PDE4D: variants seen among roughly 807,000 people sequenced by gnomAD.
PDE4D encodes the protein 3',5'-cyclic-AMP phosphodiesterase 4D.
In PDE4D, 24 loss-of-function variants were observed where a neutral mutation model predicts 87.4. That is an observed-to-expected ratio of 0.27 (90% CI 0.20 to 0.39). PDE4D has a LOEUF of 0.39. Ranked by LOEUF, PDE4D falls within the 10% of genes least tolerant of loss-of-function variation. PDE4D has a pLI of 1.00. For missense variants in PDE4D, 714 were observed against 1,041.0 expected, an observed-to-expected ratio of 0.69 and a Z score of 4.32; for synonymous variants, 384 against 383.2, an observed-to-expected ratio of 1.00 and a Z score of -0.02.
intron 5 of PDE4D, among the ~76,000 whole-genome samples, chr5:59,114,127 A>G (rs1274299853): frequency 8.5e-5 from 13 of 152,214 alleles, no homozygotes. Flanking sequence ...CTAGAACATG[A>G]GCAACTACAA....
chr5:59,084,970 A>C (rs1767402485), intron 5 of PDE4D, among the ~76,000 whole-genome samples: 1 of 152,180 alleles, frequency 6.6e-6, no homozygotes, highest in African/African-American at 2.4e-5. Context: ...TGAAGTATAT[A>C]TAAACTTTCT....
chr5:58,977,422 T>C, intron 11 of PDE4D, 77 bp from the exon 12 acceptor site: 1 of 1,387,004 alleles, frequency 7.2e-7, no homozygotes, highest in South Asian at 1.2e-5. Flanking sequence ...ATTCTGGATT[T>C]AGGATGTAAT....
chr5:59,824,564 T>A (rs905574143), intron 1 of PDE4D, among the ~76,000 whole-genome samples: 1 of 152,226 alleles, frequency 6.6e-6, no homozygotes, highest in African/African-American at 2.4e-5. Context: ...AAGTAAAGAT[T>A]GAGTATCTAT....
chr5:59,607,662 G>A (rs193140727), intron 1 of PDE4D, among the ~76,000 whole-genome samples: 1 of 152,142 alleles, frequency 6.6e-6, no homozygotes, highest in East Asian at 1.9e-4. Flanking sequence ...GCAGCAGGGG[G>A]TAGGTGGGAG....
chr5:60,107,043 C>A (rs1165821326), intron 2 of PDE4D, among the ~76,000 whole-genome samples: 1 of 152,128 alleles, frequency 6.6e-6, no homozygotes, highest in Non-Finnish European at 1.5e-5. Flanking sequence ...ACACAAAAAA[C>A]CCTTCAAAAA....
At chr5:60,244,964 A>G (rs1355371494) in intron 1 of PDE4D, among the ~76,000 whole-genome samples, 1 of 152,032 alleles carries the variant, frequency 6.6e-6, no homozygotes, top group Non-Finnish European at 1.5e-5. Context: ...CAAGTTAAAA[A>G]GCTTCTGCAC....
At chr5:59,890,741 T>C (rs1750838070) in intron 1 of PDE4D, among the ~76,000 whole-genome samples, 1 of 152,244 alleles carries the variant, frequency 6.6e-6, no homozygotes, top group African/African-American at 2.4e-5. Context: ...TATGTGATAC[T>C]GAACAAATTG....
intron 2 of PDE4D, among the ~76,000 whole-genome samples, chr5:60,087,879 C>A (rs1052745421): frequency 6.6e-6 from 1 of 152,038 alleles, no homozygotes; most frequent in Non-Finnish European, 1.5e-5. Flanking sequence ...AGAAAACCAA[C>A]ACTATCCAAG....
chr5:59,290,354 G>T (rs901522974), intron 1 of PDE4D, among the ~76,000 whole-genome samples: 1 of 151,938 alleles, frequency 6.6e-6, no homozygotes, highest in African/African-American at 2.4e-5. Flanking sequence ...AATGGTGCTG[G>T]GAAAACTGGA....
chr5:60,145,563 A>G (rs1229174985), intron 2 of PDE4D, among the ~76,000 whole-genome samples: 2 of 152,170 alleles, frequency 1.3e-5, no homozygotes, highest in African/African-American at 4.8e-5. Flanking sequence ...TTCAGTTGAT[A>G]AGTTTCACAA....
At chr5:60,484,204 A>C (rs76481748) in intron 1 of PDE4D, among the ~76,000 whole-genome samples, 5 of 151,212 alleles carry the variant, frequency 3.3e-5, no homozygotes, top group South Asian at 4.2e-4. Context: ...AAAAAAAAAA[A>C]CCCAAGAACA....
At chr5:59,629,918 C>T (rs1831354516) in intron 1 of PDE4D, among the ~76,000 whole-genome samples, 2 of 152,204 alleles carry the variant, frequency 1.3e-5, no homozygotes, top group Admixed American at 1.3e-4. Context: ...TCTTATTATA[C>T]TCTTTTACTA....
chr5:59,531,397 A>C (rs1239479062), intron 1 of PDE4D, among the ~76,000 whole-genome samples: 1 of 152,058 alleles, frequency 6.6e-6, no homozygotes, highest in Non-Finnish European at 1.5e-5. Flanking sequence ...TCACTATCCA[A>C]CATATATTTT....
intron 1 of PDE4D, among the ~76,000 whole-genome samples, chr5:59,366,442 T>G (rs1003616198): frequency 3.9e-5 from 6 of 152,214 alleles, no homozygotes; most frequent in African/African-American, 1.4e-4. Context: ...CAATACCCAT[T>G]TAATTGATAA....
At chr5:59,580,180 T>C (rs1043537795) in intron 1 of PDE4D, among the ~76,000 whole-genome samples, 43 of 152,168 alleles carry the variant, frequency 2.8e-4, no homozygotes, top group African/African-American at 9.2e-4. Flanking sequence ...TAAAAATATA[T>C]TGGGCTCTAA....
At chr5:59,229,905 TC>T (rs1219150758) in intron 1 of PDE4D, among the ~76,000 whole-genome samples, 1 of 152,156 alleles carries the variant, frequency 6.6e-6, no homozygotes, top group African/African-American at 2.4e-5. Flanking sequence ...TTCAAGTGAT[TC>T]TCCTGCCTCA....
intron 1 of PDE4D, among the ~76,000 whole-genome samples, chr5:59,841,853 C>G (rs1463271461): frequency 6.6e-6 from 1 of 152,030 alleles, no homozygotes; most frequent in African/African-American, 2.4e-5. Flanking sequence ...GCAAGGTCCA[C>G]TCAAGAAGCT....
intron 1 of PDE4D, among the ~76,000 whole-genome samples, chr5:59,786,100 T>G (rs945801033): frequency 6.6e-6 from 1 of 152,080 alleles, no homozygotes; most frequent in African/African-American, 2.4e-5. Flanking sequence ...GCCTCCCCTC[T>G]CCCCATCCCC....
chr5:59,847,863 T>A (rs1284176794), intron 1 of PDE4D, among the ~76,000 whole-genome samples: 1 of 152,122 alleles, frequency 6.6e-6, no homozygotes, highest in Non-Finnish European at 1.5e-5. Context: ...GATCAAATAC[T>A]ATTTTGAGCT....
Sources: allele counts gnomAD v4.1 joint callset (sites outside exome capture counted in the v4.1 genomes callset), GRCh38; gene constraint gnomAD v4.1.1; transcripts MANE v1.5; gene names NCBI Gene and HGNC (gene_info 2026-07-23, HGNC 2026-07-21).